The following ACSM6 variants were observed in gnomAD, a reference collection of about 807,000 sequenced individuals.
The protein encoded by ACSM6 is acyl-CoA synthetase medium chain family member 6.
ACSM6 carries 35 observed loss-of-function variants against 51.1 expected under a neutral mutation model. The observed-to-expected ratio is 0.69, with a 90% CI of 0.52 to 0.91. The LOEUF (loss-of-function observed/expected upper bound fraction) is 0.91, where lower values mean the gene tolerates loss of function less well. Among genes scored for constraint, ACSM6 ranks in the 40% least tolerant of loss-of-function variants. The pLI is 0.00. For synonymous variants in ACSM6, 172 were observed against 207.3 expected (o/e 0.83, Z 1.46); for missense variants, 509 against 584.1 (o/e 0.87, Z 1.32).
chr10:95,199,510 T>C (rs1271518523), intron 2 of ACSM6, among the ~76,000 whole-genome samples: 8 of 151,920 alleles, frequency 5.3e-5, no homozygotes, highest in Non-Finnish European at 1.0e-4. Flanking sequence ...TGGGATCTAA[T>C]TAAACTAAAG....
At chr10:95,215,655 G>A (rs1158434955) in intron 8 of ACSM6, among the ~76,000 whole-genome samples, 1 of 152,242 alleles carries the variant, frequency 6.6e-6, no homozygotes, top group African/African-American at 2.4e-5. Flanking sequence ...AGGCACTGGA[G>A]ATGTCAATGG....
At chr10:95,208,598 C>T (rs145328463) in intron 4 of ACSM6, among the ~76,000 whole-genome samples, 1 of 152,186 alleles carries the variant, frequency 6.6e-6, no homozygotes, top group African/African-American at 2.4e-5. Flanking sequence ...GCTTTGTTTT[C>T]TGCGGTTTCA....
At chr10:95,199,258 C>G (rs2034766645) in intron 2 of ACSM6, among the ~76,000 whole-genome samples, 1 of 152,140 alleles carries the variant, frequency 6.6e-6, no homozygotes, top group Non-Finnish European at 1.5e-5. Context: ...AGAAAGGATT[C>G]CCTATTTAAT....
At chr10:95,202,619 C>T (rs990697108) in intron 3 of ACSM6, among the ~76,000 whole-genome samples, 3 of 152,050 alleles carry the variant, frequency 2.0e-5, no homozygotes, top group Non-Finnish European at 4.4e-5. Context: ...GTTTCCCCAT[C>T]TATAAAAAAG....
intron 2 of ACSM6, among the ~76,000 whole-genome samples, chr10:95,195,426 A>G (rs1000308251): frequency 6.6e-6 from 1 of 152,210 alleles, no homozygotes; most frequent in African/African-American, 2.4e-5. Flanking sequence ...TTGGCTAGGT[A>G]TAGGGTCAGA....
intron 8 of ACSM6, among the ~76,000 whole-genome samples, chr10:95,219,159 A>C (rs2034970702): frequency 1.3e-5 from 2 of 152,172 alleles, no homozygotes; most frequent in African/African-American, 4.8e-5. Context: ...GGTGCCCTGC[A>C]TGTATGCTGA....
rs765703861 is a variant in ACSM6, at chr10:95,202,005, C to A, written c.213C>A (p.Tyr71Ter). Residue 71 changes from tyrosine to a stop codon, truncating the protein, a stop_gained, in exon 3 of 11, where the codon TAC becomes TAA. Coordinates refer to ENST00000341686, the Ensembl canonical transcript of ACSM6. LOFTEE classifies it high-confidence loss of function. ...CCTAGGACGGACTCAGAGGGCCTTA[C>A]CCCGCCCTCTGGAAGGTTAGTGCCA... is the stretch of plus-strand genomic sequence containing the variant. The A allele has an allele frequency of 1.9e-6, 3 of 1,551,636 alleles. No homozygotes were observed. In the South Asian group the frequency reaches 3.6e-5, roughly 18 times the overall value.
intron 9 of ACSM6, among the ~76,000 whole-genome samples, chr10:95,222,906 T>A (rs1178243593): frequency 7.0e-6 from 1 of 143,298 alleles, no homozygotes; most frequent in East Asian, 1.9e-4. Flanking sequence ...GATGAATAGG[T>A]TTATGGCATA....
chr10:95,225,224 G>A, intron 9 of ACSM6, 66 bp from the exon 10 acceptor site: 1 of 1,141,072 alleles, frequency 8.8e-7, no homozygotes, highest in Non-Finnish European at 1.3e-6. Flanking sequence ...TTTAGATCTT[G>A]TGGTGTTTTA....
rs116932068 is a variant in ACSM6, at chr10:95,211,335, G to A, written c.755+542G>A. On this transcript the variant is annotated intron_variant, in intron 5 of 10. Coordinates refer to ENST00000341686, the Ensembl canonical transcript of ACSM6. Reference sequence around the variant, plus strand: ...GAACATGCAATGAAGTAGTTGGCTTGCACTTGTGTTAGCTTGGTTTGTCTG... The same window carrying A: ...GAACATGCAATGAAGTAGTTGGCTTACACTTGTGTTAGCTTGGTTTGTCTG... Among the ~76,000 whole-genome samples, 547 of 152,362 alleles carry A rather than the reference G, an allele frequency of 3.6e-3. 5 individuals carry two copies. Among genetic ancestry groups the A allele is most frequent in the African/African-American group, 0.012 (498 of 41,594 alleles).
intron 5 of ACSM6, among the ~76,000 whole-genome samples, chr10:95,211,130 T>C (rs2034889173): frequency 6.6e-6 from 1 of 152,208 alleles, no homozygotes; most frequent in African/African-American, 2.4e-5. Context: ...CCACTATATG[T>C]AGTGATAAAC....
chr10:95,226,960 T>C (rs541440847), intron 10 of ACSM6, among the ~76,000 whole-genome samples: 1 of 151,996 alleles, frequency 6.6e-6, no homozygotes, highest in East Asian at 1.9e-4. Context: ...CTTATGATTT[T>C]CAGGGATCAG....
intron 9 of ACSM6, among the ~76,000 whole-genome samples, chr10:95,221,969 T>C (rs1460358023): frequency 6.6e-6 from 1 of 152,140 alleles, no homozygotes; most frequent in African/African-American, 2.4e-5. Context: ...ACTAACATCA[T>C]ACTCAATGGT....
At chr10:95,220,663 T>C (rs550574051) in intron 9 of ACSM6, among the ~76,000 whole-genome samples, 1 of 152,334 alleles carries the variant, frequency 6.6e-6, no homozygotes, top group African/African-American at 2.4e-5. Flanking sequence ...ATTGTATCAT[T>C]CTGAAATTGA....
At chr10:95,212,781 G>A (rs1407588703) in intron 6 of ACSM6, 77 bp from the exon 7 acceptor site, 30 of 1,179,280 alleles carry the variant, frequency 2.5e-5, no homozygotes, top group African/African-American at 6.0e-5. Context: ...GGACTTTCCC[G>A]CCTGGACCCC....
chr10:95,201,578 T>C (rs2034794450), intron 2 of ACSM6: 2 of 456,778 alleles, frequency 4.4e-6, no homozygotes, highest in Non-Finnish European at 8.8e-6. Context: ...TTAGGTTGAT[T>C]CCATCACTTT....
At chr10:95,220,090 C>T (rs1421057448) in intron 9 of ACSM6, 119 bp downstream of exon 9, 1 of 754,786 alleles carries the variant, frequency 1.3e-6, no homozygotes, top group Non-Finnish European at 2.2e-6. Context: ...CTAAATTCAC[C>T]CCAAGGATAA....
intron 6 of ACSM6, 130 bp from the exon 7 acceptor site, chr10:95,212,728 G>A (rs963914737): frequency 1.5e-6 from 1 of 677,726 alleles, no homozygotes; most frequent in African/African-American, 1.8e-5. Flanking sequence ...TGAGATAAAA[G>A]GCATCCCCAA....
chr10:95,216,127 A>T (rs687181), intron 8 of ACSM6, among the ~76,000 whole-genome samples: 106,683 of 151,936 alleles, frequency 0.7, 38,608 homozygotes, highest in Non-Finnish European at 0.78. Flanking sequence ...ACAGACACAG[A>T]CTTGCTATGT....
Sources: allele counts gnomAD v4.1 joint callset (sites outside exome capture counted in the v4.1 genomes callset), GRCh38; gene constraint gnomAD v4.1.1; transcripts MANE v1.5; gene names NCBI Gene and HGNC (gene_info 2026-07-23, HGNC 2026-07-21).